The following LRMDA variants were observed in gnomAD, a reference collection of about 807,000 sequenced individuals.
The protein encoded by LRMDA is leucine-rich melanocyte differentiation-associated protein.
Under a neutral mutation model 29.8 loss-of-function variants are expected in LRMDA, and 18 were observed. The ratio of observed to expected loss-of-function variants is 0.60; its 90% CI spans 0.42 to 0.90. The LOEUF (loss-of-function observed/expected upper bound fraction) is 0.90. Ranked by LOEUF, LRMDA falls within the 40% of genes least tolerant of loss-of-function variation. The pLI, the probability that LRMDA is intolerant of heterozygous loss-of-function variation, is 0.00. For synonymous variants in LRMDA, 125 were observed against 109.4 expected (o/e 1.14, Z -0.89); for missense variants, 273 against 273.9 (o/e 1.00, Z 0.02).
intron 2 of LRMDA, among the ~76,000 whole-genome samples, chr10:75,998,574 C>T (rs1847510901): frequency 6.6e-6 from 1 of 152,206 alleles, no homozygotes; most frequent in Admixed American, 6.5e-5. Context: ...AAGAACTTTA[C>T]ACATATTAGC....
At chr10:75,625,779 TATC>T (rs1841242370) in intron 2 of LRMDA, among the ~76,000 whole-genome samples, 1 of 152,188 alleles carries the variant, frequency 6.6e-6, no homozygotes, top group Non-Finnish European at 1.5e-5. Flanking sequence ...TTATGAAAAG[TATC>T]ATAGAGAAAG....
At chr10:75,576,020 C>G (rs939168619) in intron 2 of LRMDA, among the ~76,000 whole-genome samples, 4 of 150,638 alleles carry the variant, frequency 2.7e-5, no homozygotes, top group Non-Finnish European at 5.9e-5. Flanking sequence ...TGAGACAGAA[C>G]CATTCACTCC....
chr10:75,948,927 G>A (rs1190869774), intron 2 of LRMDA, among the ~76,000 whole-genome samples: 1 of 151,826 alleles, frequency 6.6e-6, no homozygotes, highest in African/African-American at 2.4e-5. Flanking sequence ...AAATCCATTG[G>A]TTTTTCAGTA....
At chr10:75,723,542 G>A (rs936407383) in intron 2 of LRMDA, among the ~76,000 whole-genome samples, 4 of 152,174 alleles carry the variant, frequency 2.6e-5, no homozygotes, top group African/African-American at 9.7e-5. Flanking sequence ...GGACACCACT[G>A]TCTTGCAGTT....
intron 2 of LRMDA, among the ~76,000 whole-genome samples, chr10:75,444,795 C>T (rs926326338): frequency 2.0e-5 from 3 of 152,122 alleles, no homozygotes; most frequent in African/African-American, 7.2e-5. Context: ...ATAATCTTAC[C>T]AACCAGAAAT....
chr10:76,092,993 A>G (rs780387618), intron 5 of LRMDA, among the ~76,000 whole-genome samples: 4 of 152,180 alleles, frequency 2.6e-5, no homozygotes, highest in Non-Finnish European at 5.9e-5. Context: ...CCTGGAAAAC[A>G]TTACTGAGAC....
intron 5 of LRMDA, among the ~76,000 whole-genome samples, chr10:76,254,358 C>A (rs28744525): frequency 1.7e-4 from 22 of 131,374 alleles, no homozygotes; most frequent in South Asian, 1.4e-3. Context: ...CCTATCCTAT[C>A]CTATGCTATG....
At chr10:75,598,369 T>C (rs1028627384) in intron 2 of LRMDA, among the ~76,000 whole-genome samples, 1 of 152,124 alleles carries the variant, frequency 6.6e-6, no homozygotes, top group Non-Finnish European at 1.5e-5. Context: ...AAGCAGTGGG[T>C]TGATGCTGTT....
intron 5 of LRMDA, among the ~76,000 whole-genome samples, chr10:76,148,929 A>T (rs1470233016): frequency 1.3e-5 from 2 of 151,958 alleles, no homozygotes; most frequent in East Asian, 1.9e-4. Context: ...AGAGTCGCTG[A>T]GTCTTTAGTT....
rs1554859388 is a variant in LRMDA, at chr10:76,254,358, C to CCTATCCTATG, written c.517-70039_517-70038insCCTATGCTAT. Among the ~76,000 whole-genome samples the CCTATCCTATG allele has an allele frequency of 2.0e-3, 269 of 131,384 alleles. 11 individuals are homozygous for CCTATCCTATG. The East Asian group carries it at 0.046, about 22-fold the overall frequency. The allele number at this position is 131,384 out of a possible 152,430, so 86.2% of individuals were successfully genotyped here. ...ACCATACCATCCTATCCTATCCTAT[C>CCTATCCTATG]CTATGCTATGCTATGCTATGCTATG... On this transcript the variant is annotated intron_variant, in intron 5 of 6. Transcript: ENST00000611255.
chr10:76,151,069 A>T (rs1402120952), intron 5 of LRMDA, among the ~76,000 whole-genome samples: 1 of 152,044 alleles, frequency 6.6e-6, no homozygotes, highest in East Asian at 1.9e-4. Flanking sequence ...GGTCATCCAG[A>T]CCTGAGCAGG....
At chr10:76,063,331 G>GT (rs775748138) in intron 5 of LRMDA, among the ~76,000 whole-genome samples, 110 of 152,162 alleles carry the variant, frequency 7.2e-4, no homozygotes, top group Non-Finnish European at 1.5e-3. Flanking sequence ...TCAAACGTAT[G>GT]TTTTTTCCCA....
At chr10:76,313,769 A>C (rs1840658441) in intron 5 of LRMDA, among the ~76,000 whole-genome samples, 1 of 152,138 alleles carries the variant, frequency 6.6e-6, no homozygotes, top group African/African-American at 2.4e-5. Flanking sequence ...AGTAAATAAC[A>C]ATTGAATATA....
intron 5 of LRMDA, among the ~76,000 whole-genome samples, chr10:76,075,251 C>T (rs1275845566): frequency 2.6e-5 from 4 of 152,214 alleles, no homozygotes; most frequent in Non-Finnish European, 5.9e-5. Flanking sequence ...TAAAATGAGA[C>T]TGTTAAGGTG....
chr10:76,005,862 G>A (rs561246227), intron 2 of LRMDA, among the ~76,000 whole-genome samples: 156 of 149,298 alleles, frequency 1.0e-3, no homozygotes, highest in African/African-American at 6.9e-4. Flanking sequence ...CCCGGGAGGC[G>A]GAGCTTGCAG....
At chr10:76,351,451 G>A (rs1841175518) in intron 6 of LRMDA, among the ~76,000 whole-genome samples, 1 of 152,120 alleles carries the variant, frequency 6.6e-6, no homozygotes, top group South Asian at 2.1e-4. Context: ...GTACTTCTGA[G>A]TATCCTACTA....
intron 2 of LRMDA, among the ~76,000 whole-genome samples, chr10:75,658,137 C>T (rs542692565): frequency 6.6e-6 from 1 of 152,090 alleles, no homozygotes; most frequent in South Asian, 2.1e-4. Context: ...ACACCTCAGG[C>T]TCTACTTGAA....
At chr10:75,823,002 C>T (rs1474490541) in intron 2 of LRMDA, among the ~76,000 whole-genome samples, 3 of 152,132 alleles carry the variant, frequency 2.0e-5, no homozygotes, top group Non-Finnish European at 4.4e-5. Context: ...TTAAAGACCT[C>T]AAACTACAAA....
intron 2 of LRMDA, among the ~76,000 whole-genome samples, chr10:75,579,734 G>A (rs928780288): frequency 3.3e-5 from 5 of 152,244 alleles, no homozygotes; most frequent in African/African-American, 7.2e-5. Flanking sequence ...TGATCAAGTC[G>A]GCTTCATCCC....
Sources: gnomAD v4.1 joint callset for allele counts (sites outside exome capture counted in the v4.1 genomes callset) on GRCh38, gnomAD v4.1.1 for gene constraint, MANE v1.5 for transcripts, NCBI Gene and HGNC (gene_info 2026-07-23, HGNC 2026-07-21) for gene names.